Variants in RYR3 observed in about 807,000 individuals in gnomAD.
RYR3 encodes the protein ryanodine receptor 3.
Under a neutral mutation model 584.3 loss-of-function variants are expected in RYR3, and 207 were observed. The ratio of observed to expected loss-of-function variants is 0.35; its 90% confidence interval spans 0.32 to 0.40. The LOEUF is 0.40. Ranked by LOEUF, RYR3 falls within the 10% of genes least tolerant of loss-of-function variation. The pLI, the probability that RYR3 is intolerant of heterozygous loss-of-function variation, is 1.00. For missense variants in RYR3, 5,616 were observed against 6,089.2 expected (o/e 0.92, Z 2.59); for synonymous variants, 2,416 against 2,248.5 (o/e 1.07, Z -2.11).
At chr15:33,458,774 T>A (rs2047776618) in intron 1 of RYR3, among the ~76,000 whole-genome samples, 1 of 152,144 alleles carries the variant, frequency 6.6e-6, no homozygotes, top group South Asian at 2.1e-4. Flanking sequence ...CCAGGCTCTA[T>A]TTTAGAGTAA....
chr15:33,857,971 C>A, intron 99 of RYR3, 57 bp downstream of exon 99: 2 of 1,603,476 alleles, frequency 1.2e-6, no homozygotes, highest in Non-Finnish European at 1.7e-6. Context: ...CCCCGCCCCA[C>A]CACCTCACTG....
chr15:33,311,003 C>A lies in RYR3; in HGVS notation c.-43C>A. 1 of 1,529,106 alleles carries A rather than the reference C, an allele frequency of 6.5e-7. No homozygotes were observed. Among genetic ancestry groups the A allele is most frequent in the Non-Finnish European group, 8.9e-7 (1 of 1,126,514 alleles). 94.7% of individuals were successfully genotyped at this position (1,529,106 alleles called of 1,614,324 possible). ...CACGCCGAGCGGCTGCCGGGGGAAGCAGAGGCGCCGGAGGCTGGGGCACCG... is the reference window on the plus strand; with the variant it reads ...CACGCCGAGCGGCTGCCGGGGGAAGAAGAGGCGCCGGAGGCTGGGGCACCG... On this transcript the variant is annotated 5_prime_UTR_variant, in exon 1 of 104. Coordinates refer to ENST00000634891, the MANE Select transcript of RYR3 (RefSeq NM_001036.6). The surrounding 1 kb of genome is among the most constrained non-coding windows in gnomAD (Gnocchi z 4.4).
intron 1 of RYR3, among the ~76,000 whole-genome samples, chr15:33,460,059 C>G (rs1470654838): frequency 6.6e-6 from 1 of 152,172 alleles, no homozygotes; most frequent in Non-Finnish European, 1.5e-5. Flanking sequence ...AGAACTTTTA[C>G]TGCAGTACAG....
At chr15:33,727,689 TGGGCAG>T (rs779730400) in intron 46 of RYR3, among the ~76,000 whole-genome samples, 34 of 152,186 alleles carry the variant, frequency 2.2e-4, no homozygotes, top group Non-Finnish European at 3.8e-4. Flanking sequence ...CGCTGATTCC[TGGGCAG>T]GACGAGAGTC....
At chr15:33,727,257 T>C (rs184313169) in intron 46 of RYR3, among the ~76,000 whole-genome samples, 5 of 152,350 alleles carry the variant, frequency 3.3e-5, no homozygotes, top group African/African-American at 4.8e-5. Flanking sequence ...GCAAAACTTA[T>C]ACTCTCCTCG....
chr15:33,652,921 A>G (rs953869232), intron 32 of RYR3, 38 bp downstream of exon 32: 4 of 1,571,156 alleles, frequency 2.5e-6, no homozygotes, highest in Non-Finnish European at 3.5e-6. Context: ...GGGCTATCCC[A>G]GGCCTGGTGT....
At chr15:33,489,676 A>C (rs756276243) in intron 2 of RYR3, among the ~76,000 whole-genome samples, 1 of 152,198 alleles carries the variant, frequency 6.6e-6, no homozygotes, top group African/African-American at 2.4e-5. Context: ...ATTCATGTGG[A>C]ATAGAACATT....
At chr15:33,488,337 C>G (rs567900080) in intron 2 of RYR3, among the ~76,000 whole-genome samples, 1 of 152,066 alleles carries the variant, frequency 6.6e-6, no homozygotes, top group Non-Finnish European at 1.5e-5. Flanking sequence ...ACCTCTGTCA[C>G]GCTTAGTACT....
At chr15:33,771,827 A>T in intron 62 of RYR3, 93 bp from the exon 63 acceptor site, 1 of 818,460 alleles carries the variant, frequency 1.2e-6, no homozygotes, top group Non-Finnish European at 2.0e-6. Context: ...CAGGAGTGGC[A>T]AATGTCTGCC....
chr15:33,572,368 T>G (rs2058068998), intron 12 of RYR3, among the ~76,000 whole-genome samples: 1 of 152,060 alleles, frequency 6.6e-6, no homozygotes, highest in Admixed American at 6.6e-5. Flanking sequence ...TGTGACTATT[T>G]GCTGATGGAC....
intron 2 of RYR3, among the ~76,000 whole-genome samples, chr15:33,486,103 G>A (rs150562253): frequency 6.2e-4 from 94 of 152,228 alleles, no homozygotes; most frequent in Non-Finnish European, 9.4e-4. Context: ...GTGGAAGATC[G>A]TTGATAAAGA....
chr15:33,619,501 G>A (rs2152575841), intron 19 of RYR3, among the ~76,000 whole-genome samples: 1 of 152,282 alleles, frequency 6.6e-6, no homozygotes, highest in South Asian at 2.1e-4. Flanking sequence ...AATTTACTGA[G>A]AGAAGTGGAC....
At chr15:33,858,041 A>G (rs746324196) in intron 99 of RYR3, 127 bp downstream of exon 99, 15 of 1,216,216 alleles carry the variant, frequency 1.2e-5, no homozygotes, top group Non-Finnish European at 1.5e-5. Context: ...AGAGCACAGC[A>G]GAGATTAAAG....
chr15:33,845,556 TAA>T (rs1567306558), intron 93 of RYR3, among the ~76,000 whole-genome samples: 1 of 152,022 alleles, frequency 6.6e-6, no homozygotes, highest in Non-Finnish European at 1.5e-5. Context: ...GCCCAGCCCC[TAA>T]GTCCTTTAAC....
chr15:33,524,177 A>C (rs867477175), intron 3 of RYR3, among the ~76,000 whole-genome samples: 7 of 152,256 alleles, frequency 4.6e-5, no homozygotes, highest in African/African-American at 1.4e-4. Flanking sequence ...AATAGTGTTA[A>C]AGAAAATTTA....
At chr15:33,549,928 C>G (rs1407129019) in intron 9 of RYR3, among the ~76,000 whole-genome samples, 1 of 152,202 alleles carries the variant, frequency 6.6e-6, no homozygotes, top group African/African-American at 2.4e-5. Context: ...TATGAAGCCA[C>G]TGACCTGCCT....
At chr15:33,334,507 C>T (rs1297891333) in intron 1 of RYR3, among the ~76,000 whole-genome samples, 2 of 152,164 alleles carry the variant, frequency 1.3e-5, no homozygotes, top group African/African-American at 4.8e-5. Flanking sequence ...GGACTCCTTC[C>T]TTACACCTTA....
chr15:33,671,817 T>TTTC (rs1346828644), intron 38 of RYR3, among the ~76,000 whole-genome samples: 51 of 142,286 alleles, frequency 3.6e-4, no homozygotes, highest in Non-Finnish European at 6.7e-4. Flanking sequence ...TTTTTTTTTT[T>TTTC]TTTTTTTTTT....
chr15:33,800,994 G>T, intron 68 of RYR3, 137 bp downstream of exon 68: 2 of 666,124 alleles, frequency 3.0e-6, no homozygotes, highest in Middle Eastern at 2.5e-4. Context: ...CACGACCCAT[G>T]ACACTGCCTC....
Sources: gnomAD v4.1 joint callset for allele counts (sites outside exome capture counted in the v4.1 genomes callset) on GRCh38, gnomAD v4.1.1 for gene constraint, Gnocchi (gnomAD v3.1) non-coding constraint, MANE v1.5 for transcripts, NCBI Gene and HGNC (gene_info 2026-07-23, HGNC 2026-07-21) for gene names.